Variants in RNF220 observed in about 807,000 individuals in gnomAD.
RNF220 encodes the protein E3 ubiquitin-protein ligase RNF220.
In RNF220, 7 loss-of-function variants were observed where a neutral mutation model predicts 67.1. That is an observed-to-expected ratio of 0.10 (90% CI 0.06 to 0.20). The LOEUF (loss-of-function observed/expected upper bound fraction) is 0.20, where lower values mean the gene tolerates loss of function less well. Among genes scored for constraint, RNF220 ranks in the 10% least tolerant of loss-of-function variants. The pLI is 1.00. For synonymous variants in RNF220, 270 were observed against 283.2 expected, an observed-to-expected ratio of 0.95 and a Z score of 0.47; for missense variants, 565 against 740.3, an observed-to-expected ratio of 0.76 and a Z score of 2.75.
chr1:44,510,587 T>G (rs998452346), intron 2 of RNF220, among the ~76,000 whole-genome samples: 3 of 152,166 alleles, frequency 2.0e-5, no homozygotes, highest in Non-Finnish European at 4.4e-5. Context: ...CTCAGTGAAT[T>G]TTACTGCTCA....
At chr1:44,449,622 C>G (rs1652461300) in intron 2 of RNF220, among the ~76,000 whole-genome samples, 2 of 152,116 alleles carry the variant, frequency 1.3e-5, no homozygotes, top group Admixed American at 1.3e-4. Flanking sequence ...TCATGTTGTC[C>G]AGGCTGGTCT....
chr1:44,513,391 T>G (rs1572731299), intron 2 of RNF220, among the ~76,000 whole-genome samples: 2 of 152,074 alleles, frequency 1.3e-5, no homozygotes, highest in East Asian at 3.9e-4. Flanking sequence ...ACTTAAACAA[T>G]CTTTCTTTCT....
chr1:44,435,028 TAA>T (rs33931761), intron 2 of RNF220, among the ~76,000 whole-genome samples: 5 of 143,886 alleles, frequency 3.5e-5, no homozygotes, highest in Non-Finnish European at 3.0e-5. Context: ...TCCTGTCTCT[TAA>T]AAAAAAAAAA....
intron 2 of RNF220, among the ~76,000 whole-genome samples, chr1:44,569,668 C>G (rs1664290851): frequency 6.6e-6 from 1 of 152,074 alleles, no homozygotes; most frequent in Non-Finnish European, 1.5e-5. Context: ...AGACCCCACC[C>G]TGGCAGAGCC....
intron 2 of RNF220, among the ~76,000 whole-genome samples, chr1:44,504,144 G>A (rs1049217772): frequency 3.9e-5 from 6 of 152,024 alleles, no homozygotes; most frequent in East Asian, 1.9e-4. Flanking sequence ...CACCGTGCCC[G>A]GCCGCCATCC....
chr1:44,614,818 G>A (rs972502563), intron 3 of RNF220, among the ~76,000 whole-genome samples: 3 of 151,804 alleles, frequency 2.0e-5, no homozygotes, highest in Admixed American at 6.6e-5. Flanking sequence ...GGACTGGGCT[G>A]AGCCTCCTCA....
At chr1:44,603,530 G>A (rs72671924) in intron 2 of RNF220, among the ~76,000 whole-genome samples, 3 of 152,372 alleles carry the variant, frequency 2.0e-5, no homozygotes, top group Non-Finnish European at 2.9e-5. Context: ...TGGCTCCGCC[G>A]CTGCTGCCAG....
At chr1:44,520,504 G>A (rs1348052940) in intron 2 of RNF220, among the ~76,000 whole-genome samples, 3 of 152,098 alleles carry the variant, frequency 2.0e-5, no homozygotes, top group Non-Finnish European at 2.9e-5. Context: ...CAGTTCTGAC[G>A]TTCATGGGCA....
intron 2 of RNF220, among the ~76,000 whole-genome samples, chr1:44,487,336 AAAAT>A (rs149516718): frequency 0.97 from 142,016 of 147,044 alleles, 68,745 homozygotes; most frequent in East Asian, 1. Flanking sequence ...CTCTGTCTCA[AAAAT>A]AAATAAATAA....
chr1:44,490,646 G>T (rs1382647159), intron 2 of RNF220, among the ~76,000 whole-genome samples: 1 of 151,316 alleles, frequency 6.6e-6, no homozygotes, highest in African/African-American at 2.4e-5. Context: ...AAAGAAGAAA[G>T]ATGTTATATT....
At chr1:44,419,595 A>G (rs1648986831) in intron 2 of RNF220, 1 of 152,224 alleles carries the variant, frequency 6.6e-6, no homozygotes, top group African/African-American at 2.4e-5. Flanking sequence ...TGAATACCTT[A>G]GTGGTGGCGA....
chr1:44,493,242 G>A (rs149910871), intron 2 of RNF220, among the ~76,000 whole-genome samples: 1 of 152,358 alleles, frequency 6.6e-6, no homozygotes, highest in East Asian at 1.9e-4. Flanking sequence ...TGGGCCTGGA[G>A]CAGTGGCTTA....
chr1:44,444,012 A>G (rs1456200137), intron 2 of RNF220, among the ~76,000 whole-genome samples: 1 of 152,068 alleles, frequency 6.6e-6, no homozygotes, highest in Admixed American at 6.5e-5. Flanking sequence ...AATTGCTTGA[A>G]CCCGGGAGGT....
intron 2 of RNF220, among the ~76,000 whole-genome samples, chr1:44,530,846 C>T (rs1660782900): frequency 6.6e-6 from 1 of 151,974 alleles, no homozygotes; most frequent in South Asian, 2.1e-4. Context: ...TCCTGTAATC[C>T]CAGCTATTTG....
At position 44,632,680 on chromosome 1, in the gene RNF220, C is replaced by T. The variant is rs2148475665; in HGVS notation, c.949+295C>T. ...CGAGCTACACAATTCTACTCGGGAG[C>T]TCAGCTTTGAATTTGCAAACTGCTG... On this transcript the variant is annotated intron_variant, in intron 6 of 14. Transcript: ENST00000361799. 7.4e-6 allele frequency: 4 copies of T among 538,172 alleles called. 1 individual carries two copies. The South Asian group carries it at 9.1e-5, about 12-fold the overall frequency. The allele number at this position is 538,172 out of a possible 1,614,324, so 33.3% of individuals were successfully genotyped here. A position where few individuals can be genotyped will look rare whatever the true frequency, so the allele number is the denominator to read the frequency against.
chr1:44,410,764 C>A (rs558642195), intron 1 of RNF220: 1 of 152,066 alleles, frequency 6.6e-6, no homozygotes, highest in Admixed American at 6.6e-5. Context: ...TTGTAGCAGA[C>A]GGTGATTTTT....
chr1:44,630,869 T>C (rs78654740), intron 5 of RNF220, among the ~76,000 whole-genome samples: 35,008 of 152,240 alleles, frequency 0.23, 5,253 homozygotes, highest in Middle Eastern at 0.33. Context: ...AGGGAAGGCC[T>C]ATATGCCTTG....
At chr1:44,541,479 G>A (rs1190817035) in intron 2 of RNF220, among the ~76,000 whole-genome samples, 1 of 152,206 alleles carries the variant, frequency 6.6e-6, no homozygotes, top group Non-Finnish European at 1.5e-5. Flanking sequence ...TGACAGAACT[G>A]GGAATCAAAT....
rs117682698 is a variant in RNF220, at chr1:44,634,572, C to T, written c.950-973C>T. ...ACCTTTCCCTCCTTTGCTGGCTCTCCCCACTCCCCATCAGTCTGGTCCCAG... is the reference window on the plus strand; with the variant it reads ...ACCTTTCCCTCCTTTGCTGGCTCTCTCCACTCCCCATCAGTCTGGTCCCAG... On this transcript the variant is annotated intron_variant, in intron 6 of 14. Transcript: ENST00000361799. Among the ~76,000 whole-genome samples the T allele has an allele frequency of 3.7e-3, 556 of 152,320 alleles. 5 individuals carry two copies. Among genetic ancestry groups the T allele is most frequent in the African/African-American group, 0.012 (492 of 41,564 alleles).
Sources: allele counts gnomAD v4.1 joint callset (sites outside exome capture counted in the v4.1 genomes callset), GRCh38; gene constraint gnomAD v4.1.1; transcripts MANE v1.5; gene names NCBI Gene and HGNC (gene_info 2026-07-23, HGNC 2026-07-21).